ACSM3: variants seen among roughly 807,000 people sequenced by gnomAD.
ACSM3 encodes the protein acyl-CoA synthetase medium chain family member 3.
A neutral mutation model predicts 74.1 loss-of-function variants in ACSM3; 61 were observed. The ratio of observed to expected loss-of-function variants is 0.82; its 90% confidence interval spans 0.67 to 1.02. The LOEUF is 1.02. Among genes scored for constraint, ACSM3 ranks in the 50% least tolerant of loss-of-function variants. The pLI is 0.00. For synonymous variants in ACSM3, 213 were observed against 241.5 expected (o/e 0.88, Z 1.09); for missense variants, 660 against 697.0 (o/e 0.95, Z 0.60).
chr16:20,737,639 AG>A (rs1158225877), intron 1 of ACSM3: 1 of 1,494,668 alleles, frequency 6.7e-7, no homozygotes, highest in Non-Finnish European at 9.0e-7. Context: ...ATCTTTAAAA[AG>A]AAAAAAATCC....
chr16:20,786,825 G>A (rs1218741620), intron 9 of ACSM3, among the ~76,000 whole-genome samples: 2 of 152,196 alleles, frequency 1.3e-5, no homozygotes, highest in African/African-American at 2.4e-5. Flanking sequence ...CTAGAGTTGG[G>A]ATTCAATCCC....
At chr16:20,722,513 G>A (rs1001297769) in intron 1 of ACSM3, among the ~76,000 whole-genome samples, 1 of 152,086 alleles carries the variant, frequency 6.6e-6, no homozygotes, top group African/African-American at 2.4e-5. Context: ...AGAATAATGA[G>A]CCCAGCAAAT....
At chr16:20,776,838 T>C (rs2080261873) in intron 3 of ACSM3, among the ~76,000 whole-genome samples, 1 of 152,170 alleles carries the variant, frequency 6.6e-6, no homozygotes, top group African/African-American at 2.4e-5. Flanking sequence ...AAAAGATGAA[T>C]GCCTCCACAC....
intron 1 of ACSM3, chr16:20,737,956 T>C: frequency 6.4e-7 from 1 of 1,570,782 alleles, no homozygotes; most frequent in Non-Finnish European, 8.6e-7. Flanking sequence ...TTTCTCAGGC[T>C]CTTAAGAAAA....
At chr16:20,788,390 C>A (rs1436797660) in intron 9 of ACSM3, among the ~76,000 whole-genome samples, 1 of 152,190 alleles carries the variant, frequency 6.6e-6, no homozygotes, top group Non-Finnish European at 1.5e-5. Context: ...GCAAGGTACC[C>A]CCACCTGCTC....
chr16:20,738,782 C>A, intron 1 of ACSM3: 1 of 1,196,362 alleles, frequency 8.4e-7, no homozygotes, highest in East Asian at 2.3e-5. Flanking sequence ...CAGAAGCTGC[C>A]ATCAAATGAT....
chr16:20,687,986 G>A (rs1369369439), intron 1 of ACSM3, among the ~76,000 whole-genome samples: 2 of 151,972 alleles, frequency 1.3e-5, no homozygotes, highest in African/African-American at 4.8e-5. Flanking sequence ...TCAGGAGGCT[G>A]AGGCAGGAGA....
intron 1 of ACSM3, among the ~76,000 whole-genome samples, chr16:20,746,427 G>C (rs2079958423): frequency 6.6e-6 from 1 of 152,178 alleles, no homozygotes; most frequent in Admixed American, 6.5e-5. Flanking sequence ...GAGACTAAAA[G>C]GGGTTTTATT....
intron 1 of ACSM3, among the ~76,000 whole-genome samples, chr16:20,701,318 T>G (rs1255485522): frequency 6.6e-6 from 1 of 152,106 alleles, no homozygotes; most frequent in Non-Finnish European, 1.5e-5. Flanking sequence ...TTTATTTTTG[T>G]TCAACCATGC....
chr16:20,714,880 C>T (rs368624746), intron 1 of ACSM3, among the ~76,000 whole-genome samples: 24 of 152,272 alleles, frequency 1.6e-4, no homozygotes, highest in Middle Eastern at 3.4e-3. Context: ...AAAGACATAA[C>T]TCAGAACTCA....
chr16:20,782,421 A>G (rs533820933), intron 7 of ACSM3, among the ~76,000 whole-genome samples: 90 of 152,210 alleles, frequency 5.9e-4, no homozygotes, highest in Non-Finnish European at 1.1e-3. Context: ...AGAGTCCCCA[A>G]AGTCCATTAT....
chr16:20,777,352 GT>G lies in ACSM3; in HGVS notation c.431-18del. 6.3e-7 allele frequency: 1 copy of G among 1,598,558 alleles called. No homozygotes were observed. On this transcript the variant is annotated intron_variant, in intron 3 of 13. Transcript: ENST00000289416. ...AAGAATAACATTTCTTCTAAACACT[GT>G]TTCTTTTCTGCCCCTTTAGGGACAG...
intron 1 of ACSM3, among the ~76,000 whole-genome samples, chr16:20,692,716 T>C (rs1056123328): frequency 2.0e-5 from 3 of 152,222 alleles, no homozygotes; most frequent in African/African-American, 4.8e-5. Flanking sequence ...AGGAAATATA[T>C]TTTTGGGTAA....
intron 2 of ACSM3, among the ~76,000 whole-genome samples, chr16:20,752,026 G>C (rs992193835): frequency 6.6e-6 from 1 of 152,156 alleles, no homozygotes; most frequent in African/African-American, 2.4e-5. Flanking sequence ...GAGCTGCTAT[G>C]AGAAATAAAT....
At chr16:20,687,679 T>C (rs2079577629) in intron 1 of ACSM3, among the ~76,000 whole-genome samples, 2 of 152,108 alleles carry the variant, frequency 1.3e-5, no homozygotes, top group South Asian at 4.1e-4. Flanking sequence ...TCAATTGTCT[T>C]AAATATGCTC....
At chr16:20,766,353 A>T (rs2080125201) in intron 1 of ACSM3, among the ~76,000 whole-genome samples, 1 of 137,440 alleles carries the variant, frequency 7.3e-6, no homozygotes, top group Non-Finnish European at 1.6e-5. Flanking sequence ...CAACTGTTAA[A>T]AGAAAAAAAT....
At chr16:20,754,032 T>G (rs2080009473) in intron 2 of ACSM3, among the ~76,000 whole-genome samples, 1 of 152,106 alleles carries the variant, frequency 6.6e-6, no homozygotes. Flanking sequence ...GTGGAAAAGG[T>G]GACCCACGCT....
chr16:20,790,898 C>G lies in ACSM3; in HGVS notation c.1326+210C>G, dbSNP rs1271728062. On this transcript the variant is annotated intron_variant, in intron 10 of 13. Coordinates refer to ENST00000289416, the MANE Select transcript of ACSM3 (RefSeq NM_005622.4). This position sits in a 1 kb window ranked among gnomAD's most constrained non-coding sequence, Gnocchi z 4.0. ...ATGCTGGTCCCCTGAGGCCAGATCA[C>G]TGTTCCAGGTCCACGAAGGCAAGAG... 2.0e-5 allele frequency: 32 copies of G among 1,614,096 alleles called. No individual in the cohort carries two copies. The highest frequency in any genetic ancestry group is 2.5e-5 in the Non-Finnish European group (29 of 1,179,982).
intron 1 of ACSM3, among the ~76,000 whole-genome samples, chr16:20,741,015 A>T (rs1194518971): frequency 3.3e-5 from 5 of 152,138 alleles, no homozygotes; most frequent in Admixed American, 2.6e-4. Context: ...CTGTAATCTC[A>T]GCACCTTGAG....
Sources: gnomAD v4.1 joint callset for allele counts (sites outside exome capture counted in the v4.1 genomes callset) on GRCh38, gnomAD v4.1.1 for gene constraint, Gnocchi (gnomAD v3.1) non-coding constraint, MANE v1.5 for transcripts, NCBI Gene and HGNC (gene_info 2026-07-23, HGNC 2026-07-21) for gene names.